CFAP43: variants seen among roughly 807,000 people sequenced by gnomAD.
CFAP43 encodes cilia- and flagella-associated protein 43.
CFAP43 carries 155 observed loss-of-function variants against 218.9 expected under a neutral mutation model. That is an observed-to-expected ratio of 0.71 (90% CI 0.62 to 0.81). The LOEUF (loss-of-function observed/expected upper bound fraction) is 0.81. Ranked by LOEUF, CFAP43 falls within the 30% of genes least tolerant of loss-of-function variation. The probability of loss-of-function intolerance (pLI) is 0.00; values close to 1 mark genes in which losing one functional copy is unlikely to be tolerated. For synonymous variants in CFAP43, 645 were observed against 681.3 expected, an observed-to-expected ratio of 0.95 and a Z score of 0.83; for missense variants, 1,778 against 1,954.3, an observed-to-expected ratio of 0.91 and a Z score of 1.70.
At chr10:104,229,367 A>G (rs1429180629) in intron 2 of CFAP43, among the ~76,000 whole-genome samples, 1 of 152,056 alleles carries the variant, frequency 6.6e-6, no homozygotes, top group Non-Finnish European at 1.5e-5. Context: ...AGAAAGAGTC[A>G]TTAGGCCGGG....
At chr10:104,193,572 C>T (rs1365152158) in intron 11 of CFAP43, 1 of 313,354 alleles carries the variant, frequency 3.2e-6, no homozygotes, top group Non-Finnish European at 6.1e-6. Context: ...CACATGATGG[C>T]CATTGATACA....
At position 104,151,681 on chromosome 10, in the gene CFAP43, G is replaced by C. The variant is rs894887342; in HGVS notation, c.3660+926C>G. On this transcript the variant is annotated intron_variant, in intron 28 of 37. Coordinates refer to ENST00000357060, the MANE Select transcript of CFAP43 (RefSeq NM_025145.7). ...TGCAAATATTTTCTCCCATTCTGTA[G>C]GTTGTCTGTTTACTCTGTGGATAGT... Among the ~76,000 whole-genome samples, 6 of 152,188 alleles carry C rather than the reference G, an allele frequency of 3.9e-5. No homozygotes were observed. The East Asian group carries it at 1.2e-3, about 29-fold the overall frequency.
At chr10:104,177,075 CA>C (rs1005727423) in intron 19 of CFAP43, among the ~76,000 whole-genome samples, 2 of 151,860 alleles carry the variant, frequency 1.3e-5, no homozygotes, top group Non-Finnish European at 2.9e-5. Flanking sequence ...AAAATAAAAA[CA>C]AAGGCCAAGG....
chr10:104,225,295 T>G (rs2091280478), intron 3 of CFAP43, among the ~76,000 whole-genome samples, 166 bp downstream of exon 3: 1 of 152,236 alleles, frequency 6.6e-6, no homozygotes, highest in African/African-American at 2.4e-5. Context: ...GACTGCCAAA[T>G]TTTATGCCTA....
intron 20 of CFAP43, among the ~76,000 whole-genome samples, chr10:104,170,276 AAGG>A (rs1040312750): frequency 2.6e-5 from 4 of 152,094 alleles, no homozygotes; most frequent in African/African-American, 7.2e-5. Flanking sequence ...TCAGAGGATC[AAGG>A]AGAACTCTTG....
chr10:104,138,598 C>A (rs2087558142), intron 34 of CFAP43, among the ~76,000 whole-genome samples: 1 of 151,814 alleles, frequency 6.6e-6, no homozygotes, highest in South Asian at 2.1e-4. Context: ...TCGCTTGAAC[C>A]CAGAAGGTGG....
intron 5 of CFAP43, 82 bp from the exon 6 acceptor site, chr10:104,207,906 A>G: frequency 1.4e-6 from 2 of 1,395,870 alleles, no homozygotes; most frequent in Non-Finnish European, 1.9e-6. Flanking sequence ...ACAACTGACA[A>G]AAAGGAACCA....
At chr10:104,217,336 TTTTC>T (rs748219930) in intron 3 of CFAP43, among the ~76,000 whole-genome samples, 19 of 119,966 alleles carry the variant, frequency 1.6e-4, no homozygotes, top group South Asian at 4.8e-4. Flanking sequence ...TTTTCTTTTC[TTTTC>T]TTTCTTTCTT....
intron 5 of CFAP43, 148 bp from the exon 6 acceptor site, chr10:104,207,972 T>A (rs952888946): frequency 2.9e-6 from 2 of 701,370 alleles, no homozygotes; most frequent in Admixed American, 7.1e-5. Context: ...ATCATAATAA[T>A]TTTTTTTAAG....
intron 27 of CFAP43, among the ~76,000 whole-genome samples, chr10:104,154,458 G>A (rs909057752): frequency 2.0e-5 from 3 of 152,014 alleles, no homozygotes; most frequent in Admixed American, 1.3e-4. Flanking sequence ...AAACAAATAT[G>A]AAAAAAACAC....
At chr10:104,218,010 G>T (rs117346201) in intron 3 of CFAP43, among the ~76,000 whole-genome samples, 9 of 152,152 alleles carry the variant, frequency 5.9e-5, no homozygotes, top group Non-Finnish European at 1.3e-4. Flanking sequence ...ACTTGCTTGC[G>T]CCGTAAATAC....
chr10:104,215,495 T>C (rs1386338591), intron 3 of CFAP43, among the ~76,000 whole-genome samples: 3 of 152,100 alleles, frequency 2.0e-5, no homozygotes, highest in African/African-American at 7.2e-5. Flanking sequence ...TTGCATCAGG[T>C]ACCTGGCAAA....
At chr10:104,156,258 G>A (rs2088537766) in intron 27 of CFAP43, among the ~76,000 whole-genome samples, 1 of 151,896 alleles carries the variant, frequency 6.6e-6, no homozygotes. Flanking sequence ...ATATCAAACT[G>A]GTAATGTTAT....
chr10:104,141,088 T>C, intron 33 of CFAP43, 87 bp from the exon 34 acceptor site: 1 of 1,345,320 alleles, frequency 7.4e-7, no homozygotes. Flanking sequence ...CGAATCAGCT[T>C]AAGGAAAACA....
intron 12 of CFAP43, among the ~76,000 whole-genome samples, chr10:104,191,404 C>G (rs192460034): frequency 6.6e-6 from 1 of 152,228 alleles, no homozygotes; most frequent in East Asian, 1.9e-4. Flanking sequence ...CTAATATGTC[C>G]TATCCCACAC....
chr10:104,142,233 C>T, intron 33 of CFAP43, 48 bp downstream of exon 33: 6 of 1,510,268 alleles, frequency 4.0e-6, no homozygotes, highest in Non-Finnish European at 5.5e-6. Context: ...CTGATTTAGC[C>T]CTAATTAGAC....
chr10:104,167,778 G>A (rs2089235802), intron 21 of CFAP43, 41 bp from the exon 22 acceptor site: 1 of 1,480,328 alleles, frequency 6.8e-7, no homozygotes, highest in Non-Finnish European at 9.3e-7. Context: ...TCCATTTGTA[G>A]TATAATTGTG....
chr10:104,141,876 C>T (rs1350939990), intron 33 of CFAP43, among the ~76,000 whole-genome samples: 4 of 152,258 alleles, frequency 2.6e-5, no homozygotes, highest in Admixed American at 2.0e-4. Context: ...TAGTAAACAA[C>T]AAGTTCCCCT....
At chr10:104,142,194 G>A (rs2087737959) in intron 33 of CFAP43, 87 bp downstream of exon 33, 2 of 1,077,600 alleles carry the variant, frequency 1.9e-6, no homozygotes, top group African/African-American at 1.6e-5. Context: ...AAAGCAGTCA[G>A]TAGGCATTCT....
Sources: allele counts gnomAD v4.1 joint callset (sites outside exome capture counted in the v4.1 genomes callset), GRCh38; gene constraint gnomAD v4.1.1; transcripts MANE v1.5; gene names NCBI Gene and HGNC (gene_info 2026-07-23, HGNC 2026-07-21).